MYO1E: variants seen among roughly 807,000 people sequenced by gnomAD.
MYO1E encodes the protein unconventional myosin-Ie.
A neutral mutation model predicts 151.1 loss-of-function variants in MYO1E; 68 were observed. The observed-to-expected ratio is 0.45, with a 90% CI of 0.37 to 0.55. The LOEUF is 0.55. Among genes scored for constraint, MYO1E ranks in the 20% least tolerant of loss-of-function variants. The probability of loss-of-function intolerance (pLI) is 0.00; values close to 1 mark genes in which losing one functional copy is unlikely to be tolerated. For synonymous variants in MYO1E, 601 were observed against 501.7 expected (o/e 1.20, Z -2.64); for missense variants, 1,363 against 1,389.3 (o/e 0.98, Z 0.30).
rs1164320277 is a variant in MYO1E, at chr15:59,217,519, C to CTT, written c.1107+370_1107+371dup. ...AACACAAAACCCTCAGTCGTTTTAC[C>CTT]TTTTTTTTTTTTTTTTTTTTTTGGG... On this transcript the variant is annotated intron_variant, in intron 10 of 27. Coordinates refer to ENST00000288235, the MANE Select transcript of MYO1E (RefSeq NM_004998.4). Among the ~76,000 whole-genome samples, 55 of 53,162 alleles carry CTT rather than the reference C, an allele frequency of 1.0e-3. 14 individuals are homozygous for CTT. The highest frequency in any genetic ancestry group is 2.5e-3 in the Admixed American group (7 of 2,848). 34.9% of individuals were successfully genotyped at this position (53,162 alleles called of 152,430 possible). A position where few individuals can be genotyped will look rare whatever the true frequency, so the allele number is the denominator to read the frequency against.
chr15:59,202,778 A>G (rs1409261367), intron 15 of MYO1E, among the ~76,000 whole-genome samples: 1 of 152,080 alleles, frequency 6.6e-6, no homozygotes, highest in African/African-American at 2.4e-5. Flanking sequence ...GTCTCGCTCT[A>G]CTGCCCAGGT....
At chr15:59,248,304 T>TTG (rs2080142891) in intron 4 of MYO1E, among the ~76,000 whole-genome samples, 1 of 151,016 alleles carries the variant, frequency 6.6e-6, no homozygotes, top group African/African-American at 2.4e-5. Context: ...GCCAACATGG[T>TTG]GAAACCCTGT....
chr15:59,188,106 CTAGTT>C lies in MYO1E; in HGVS notation c.1904+7_1904+11del, dbSNP rs1261124549. ...CCTGTTTTAAAAAAGGCCAGAGTCA[CTAGTT>C]CATTACCTCTGTAGGAATTTTTGGA... is the stretch of plus-strand genomic sequence containing the variant. On this transcript the variant is annotated splice_region_variant and intron_variant, in intron 18 of 27. Coordinates refer to ENST00000288235, the MANE Select transcript of MYO1E (RefSeq NM_004998.4). 12 of 1,587,570 alleles carry C rather than the reference CTAGTT, an allele frequency of 7.6e-6. No individual in the cohort carries two copies. Among genetic ancestry groups the C allele is most frequent in the Non-Finnish European group, 1.0e-5 (12 of 1,156,306 alleles).
At chr15:59,340,946 G>A (rs1215249666) in intron 1 of MYO1E, among the ~76,000 whole-genome samples, 1 of 150,104 alleles carries the variant, frequency 6.7e-6, no homozygotes, top group Non-Finnish European at 1.5e-5. Flanking sequence ...TTGAACAGGG[G>A]AGGCAGAGGT....
chr15:59,207,497 C>A (rs2079845958), intron 14 of MYO1E: 1 of 1,613,890 alleles, frequency 6.2e-7, no homozygotes, highest in South Asian at 1.1e-5. Context: ...ATTATTGTTT[C>A]CAATCCAGTG....
chr15:59,260,358 G>A (rs980218325), intron 3 of MYO1E, among the ~76,000 whole-genome samples: 2 of 152,190 alleles, frequency 1.3e-5, no homozygotes, highest in African/African-American at 4.8e-5. Flanking sequence ...AGCCTCCTTC[G>A]GCTCCAGCTA....
At chr15:59,343,162 A>G (rs1017867879) in intron 1 of MYO1E, among the ~76,000 whole-genome samples, 3 of 152,160 alleles carry the variant, frequency 2.0e-5, no homozygotes, top group African/African-American at 4.8e-5. Flanking sequence ...CAGATTGAAG[A>G]ACTCCCTTTA....
intron 4 of MYO1E, among the ~76,000 whole-genome samples, chr15:59,249,547 A>G (rs1596384479): frequency 6.6e-6 from 1 of 152,202 alleles, no homozygotes; most frequent in African/African-American, 2.4e-5. Flanking sequence ...AGGAAACTAG[A>G]AACGCCGCCT....
intron 8 of MYO1E, among the ~76,000 whole-genome samples, chr15:59,223,534 A>G (rs55851003): frequency 0.028 from 4,249 of 152,252 alleles, 206 homozygotes; most frequent in African/African-American, 0.096. Context: ...GAGACTCGGA[A>G]GAGTGGTAGT....
intron 9 of MYO1E, among the ~76,000 whole-genome samples, chr15:59,222,696 T>C (rs2079963558): frequency 6.6e-6 from 1 of 152,168 alleles, no homozygotes; most frequent in Non-Finnish European, 1.5e-5. Context: ...ACTGAAAAGG[T>C]TTTGATAAAG....
intron 10 of MYO1E, among the ~76,000 whole-genome samples, chr15:59,217,311 C>T (rs546418786): frequency 3.2e-4 from 48 of 152,034 alleles, no homozygotes; most frequent in Non-Finnish European, 6.0e-4. Context: ...ACGTGGCTCT[C>T]CTCTTTTTCT....
At chr15:59,197,331 T>C (rs1384756052) in intron 16 of MYO1E, among the ~76,000 whole-genome samples, 1 of 152,140 alleles carries the variant, frequency 6.6e-6, no homozygotes, top group Non-Finnish European at 1.5e-5. Context: ...TGCAAACTCT[T>C]TTGTCCTAAG....
At chr15:59,254,398 G>A (rs138154131) in intron 4 of MYO1E, among the ~76,000 whole-genome samples, 27 of 152,150 alleles carry the variant, frequency 1.8e-4, no homozygotes, top group African/African-American at 5.3e-4. Flanking sequence ...TATGTTGTCC[G>A]GGCTGATCTC....
chr15:59,141,900 G>A (rs2079412103), intron 26 of MYO1E, among the ~76,000 whole-genome samples: 1 of 151,658 alleles, frequency 6.6e-6, no homozygotes, highest in South Asian at 2.1e-4. Flanking sequence ...GAGGTCAGGA[G>A]ATAGAGACCA....
chr15:59,270,129 A>G (rs563283537), intron 2 of MYO1E, among the ~76,000 whole-genome samples: 5 of 152,336 alleles, frequency 3.3e-5, no homozygotes, highest in Non-Finnish European at 7.3e-5. Flanking sequence ...TAAGTAAATA[A>G]TAACGTAATG....
In MYO1E at chr15:59,227,482, G is replaced by A. The variant is rs559859306; in HGVS notation, c.619C>T (p.Arg207Trp). ...SRVVMRNPGERSFHIFYQLIE... is the reference protein window; with the variant it reads ...SRVVMRNPGEWSFHIFYQLIE... ...ACCTGGTAAAATATGTGAAAACTCC[G>A]CTCTCCTGGGTTCCTCATCACCACC... The change falls in exon 7 of 28, where the codon CGG (arginine) becomes TGG (tryptophan). Residue 207 changes from arginine (R) to tryptophan (W), a missense_variant. By Grantham distance (101) the Arg-to-Trp change is moderately radical. Coordinates refer to ENST00000288235, the MANE Select transcript of MYO1E (RefSeq NM_004998.4). The A allele has an allele frequency of 8.1e-6, 13 of 1,614,098 alleles. No homozygotes were observed. The highest frequency in any genetic ancestry group is 3.3e-5 in the South Asian group (3 of 91,082).
At chr15:59,207,976 G>T (rs750670375) in intron 14 of MYO1E, 1 of 1,614,098 alleles carries the variant, frequency 6.2e-7, no homozygotes, top group East Asian at 2.2e-5. Flanking sequence ...TATCCTGGGA[G>T]AGAACGGTAT....
chr15:59,224,280 G>T (rs368920980), intron 8 of MYO1E, among the ~76,000 whole-genome samples: 13 of 108,666 alleles, frequency 1.2e-4, no homozygotes, highest in African/African-American at 3.3e-4. Flanking sequence ...AACCAGAAAA[G>T]AAATAAGAGA....
At chr15:59,214,134 G>A in intron 12 of MYO1E, 94 bp downstream of exon 12, 1 of 1,048,190 alleles carries the variant, frequency 9.5e-7, no homozygotes, top group Non-Finnish European at 1.4e-6. Context: ...TATAAGACTG[G>A]AACCGAAATC....
Sources: gnomAD v4.1 joint callset for allele counts (sites outside exome capture counted in the v4.1 genomes callset) on GRCh38, gnomAD v4.1.1 for gene constraint, MANE v1.5 for transcripts, NCBI Gene and HGNC (gene_info 2026-07-23, HGNC 2026-07-21) for gene names.